COL11A2: variants seen among roughly 807,000 people sequenced by gnomAD.
COL11A2 encodes the protein collagen alpha-2(XI) chain.
In COL11A2, 116 loss-of-function variants were observed where a neutral mutation model predicts 273.4. The observed-to-expected ratio is 0.42, with a 90% CI of 0.36 to 0.49. The LOEUF (loss-of-function observed/expected upper bound fraction) is 0.49. Ranked by LOEUF, COL11A2 falls within the 20% of genes least tolerant of loss-of-function variation. COL11A2 has a pLI of 0.00. For missense variants in COL11A2, 1,866 were observed against 2,309.0 expected (o/e 0.81, Z 3.93); for synonymous variants, 782 against 864.2 (o/e 0.90, Z 1.67).
rs1771446268 is a variant in COL11A2 at position 33,179,609 on chromosome 6, T to G, written c.1446+110A>C. On this transcript the variant is annotated intron_variant, in intron 13 of 65. Coordinates refer to ENST00000341947, the MANE Select transcript of COL11A2 (RefSeq NM_080680.3). The surrounding 1 kb of genome is among the most constrained non-coding windows in gnomAD (Gnocchi z 6.4). Reference sequence around the variant, plus strand: ...CCACTGCCCAGGATTCTCCCCAACCTCCCTGTTAACCCCAAACCAACCCAG... The same window carrying G: ...CCACTGCCCAGGATTCTCCCCAACCGCCCTGTTAACCCCAAACCAACCCAG... The G allele has an allele frequency of 1.4e-6, 2 of 1,468,468 alleles. No homozygotes were observed. Among genetic ancestry groups the G allele is most frequent in the African/African-American group, 2.8e-5 (2 of 71,648 alleles). The allele number at this position is 1,468,468 out of a possible 1,614,324, so 91.0% of individuals were successfully genotyped here. A position where few individuals can be genotyped will look rare whatever the true frequency, so the allele number is the denominator to read the frequency against.
chr6:33,171,421 T>C, intron 43 of COL11A2, 46 bp downstream of exon 43: 1 of 1,609,658 alleles, frequency 6.2e-7, no homozygotes. Context: ...AGGTCAGCCA[T>C]CTCATCTGGA....
In COL11A2 at chr6:33,175,692, G is replaced by A; in HGVS notation, c.2269-11C>T. ...GACTCCAACTTCGCCCTGTGTGAGA[G>A]GGAAGGACAGGTGAGTGCTGGGGAC... On this transcript the variant is annotated splice_polypyrimidine_tract_variant and intron_variant, in intron 29 of 65. Coordinates refer to ENST00000341947, the MANE Select transcript of COL11A2 (RefSeq NM_080680.3). 1 of 1,610,334 alleles carries A rather than the reference G, an allele frequency of 6.2e-7. No homozygotes were observed. The highest frequency in any genetic ancestry group is 8.5e-7 in the Non-Finnish European group (1 of 1,177,558).
In COL11A2 at chr6:33,177,479, A is replaced by G. The variant is rs1771088118; in HGVS notation, c.1918-14T>C. On this transcript the variant is annotated splice_polypyrimidine_tract_variant and intron_variant, in intron 22 of 65. Transcript: ENST00000341947. This position sits in a 1 kb window ranked among gnomAD's most constrained non-coding sequence, Gnocchi z 5.9. ...TCCCTGGGGTCCCTAGAAACAGGTG[A>G]CCAGGCACAGGTCAGAAGGAGATGG... 6.2e-7 allele frequency: 1 copy of G among 1,612,722 alleles called. No individual in the cohort carries two copies. The highest frequency in any genetic ancestry group is 1.3e-5 in the African/African-American group (1 of 74,916).
At chr6:33,171,201 CAG>C (rs1373262064) in intron 44 of COL11A2, 34 bp from the exon 45 acceptor site, 1 of 1,613,148 alleles carries the variant, frequency 6.2e-7, no homozygotes, top group Non-Finnish European at 8.5e-7. Context: ...GACACCAAAA[CAG>C]GGAGAGAGAT....
Position 33,171,809 on chromosome 6 carries a change from C to T in COL11A2, c.3054G>A (p.Gly1018=), listed in dbSNP as rs768446894. The change falls in exon 42 of 66, where the codon GGG becomes GGA. Residue 1018 remains glycine, a synonymous_variant. Coordinates refer to ENST00000341947, the MANE Select transcript of COL11A2 (RefSeq NM_080680.3). ...SGPPGPAGSP[G]ERGAAGSGGP... ...CCCCTGATCCTGCTGCACCTCGTTC[C>T]CCAGGGGAGCCCTGAGAAAGCAGAT... 1 of 1,612,874 alleles carries T rather than the reference C, an allele frequency of 6.2e-7. No individual in the cohort carries two copies. Among genetic ancestry groups the T allele is most frequent in the South Asian group, 1.1e-5 (1 of 91,058 alleles).
chr6:33,173,534 G>C lies in COL11A2; in HGVS notation c.2650C>G (p.Pro884Ala). The change falls in exon 36 of 66, where the codon CCC becomes GCC. Residue 884 changes from proline to alanine, a missense_variant. Coordinates refer to ENST00000341947, the MANE Select transcript of COL11A2 (RefSeq NM_080680.3). The surrounding 1 kb of genome is among the most constrained non-coding windows in gnomAD (Gnocchi z 6.3). ...CCTTTCGGTCCAGGAAACCCGTTGG[G>C]ACCCTGAGGTCCAGGGAGGCCCTAG... Reference protein sequence around the residue: ...GERGLPGPQGPNGFPGPKGPP... With the variant: ...GERGLPGPQGANGFPGPKGPP... 6.3e-7 allele frequency: 1 copy of C among 1,582,694 alleles called. No individual in the cohort carries two copies. The highest frequency in any genetic ancestry group is 8.6e-7 in the Non-Finnish European group (1 of 1,161,478).
At position 33,179,756 on chromosome 6, in the gene COL11A2, T is replaced by C; in HGVS notation, c.1409A>G (p.Gln470Arg). 6.2e-7 allele frequency: 1 copy of C among 1,612,196 alleles called. No homozygotes were observed. Residue 470 changes from glutamine to arginine, a missense_variant, in exon 13 of 66, where the codon CAG becomes CGG. Physicochemically the swap from Gln to Arg is conservative, Grantham distance 43 (BLOSUM62 1). Coordinates refer to ENST00000341947, the MANE Select transcript of COL11A2 (RefSeq NM_080680.3). This position sits in a 1 kb window ranked among gnomAD's most constrained non-coding sequence, Gnocchi z 6.4. ...GGDKGPVVAA[Q>R]EAQAQAILQQ... Reference sequence around the variant, plus strand: ...CAGGATCGCCTGGGCCTGAGCCTCCTGGGCCGCCACCACAGGGCCCTTGTC... The same window carrying C: ...CAGGATCGCCTGGGCCTGAGCCTCCCGGGCCGCCACCACAGGGCCCTTGTC...
intron 8 of COL11A2, among the ~76,000 whole-genome samples, chr6:33,183,735 C>T (rs1426827085): frequency 2.0e-5 from 3 of 152,060 alleles, no homozygotes; most frequent in Non-Finnish European, 4.4e-5. Context: ...GAAGTTAGAT[C>T]GTTTGGTAGA....
At position 33,167,053 on chromosome 6, in the gene COL11A2, G is replaced by A. The variant is rs767052476; in HGVS notation, c.4230+17C>T. 1 of 1,613,186 alleles carries A rather than the reference G, an allele frequency of 6.2e-7. No homozygotes were observed. The highest frequency in any genetic ancestry group is 8.5e-7 in the Non-Finnish European group (1 of 1,179,964). The stretch of plus-strand genomic sequence containing the variant: ...TGATGGGAGAGACACCTGGCCACGT[G>A]TCTGTCTGTCACTCACCTTCTCTCC... On this transcript the variant is annotated intron_variant, in intron 58 of 65. Coordinates refer to ENST00000341947, the MANE Select transcript of COL11A2 (RefSeq NM_080680.3). The surrounding 1 kb of genome is among the most constrained non-coding windows in gnomAD (Gnocchi z 6.1).
chr6:33,169,815 T>G lies in COL11A2; in HGVS notation c.3690+16A>C. 1 of 1,614,026 alleles carries G rather than the reference T, an allele frequency of 6.2e-7. No homozygotes were observed. The highest frequency in any genetic ancestry group is 8.5e-7 in the Non-Finnish European group (1 of 1,179,950). On this transcript the variant is annotated intron_variant, in intron 50 of 65. Coordinates refer to ENST00000341947, the MANE Select transcript of COL11A2 (RefSeq NM_080680.3). The surrounding 1 kb of genome is among the most constrained non-coding windows in gnomAD (Gnocchi z 5.5). ...TGACGGGGACTGGGGAGTAAGGCCT[T>G]GGAGCTGTCACTCACCTTGACACCT...
In COL11A2 at chr6:33,189,182, A is replaced by G. The variant is rs1459651793; in HGVS notation, c.239T>C (p.Phe80Ser). Reference sequence around the variant, plus strand: ...AGTCAGCAGAGAGAAATCTTTGGGAAATCCTCCTAGTAACCGAGAGAGATA... The same window carrying G: ...AGTCAGCAGAGAGAAATCTTTGGGAGATCCTCCTAGTAACCGAGAGAGATA... Reference protein sequence around the residue: ...APTRQLFPGGFPKDFSLLTVV... With the variant: ...APTRQLFPGGSPKDFSLLTVV... Residue 80 changes from phenylalanine (F) to serine (S), a missense_variant, in exon 3 of 66, where the codon TTT (phenylalanine) becomes TCT (serine). Transcript: ENST00000341947. This position sits in a 1 kb window ranked among gnomAD's most constrained non-coding sequence, Gnocchi z 5.6. The G allele has an allele frequency of 5.9e-5, 95 of 1,613,744 alleles. No individual in the cohort carries two copies. The highest frequency in any genetic ancestry group is 7.8e-5 in the Non-Finnish European group (92 of 1,179,874).
At position 33,165,763 on chromosome 6, in the gene COL11A2, A is replaced by G. The variant is rs1769039040; in HGVS notation, c.4536T>C (p.Thr1512=). The G allele has an allele frequency of 3.1e-6, 5 of 1,612,806 alleles. No individual in the cohort carries two copies. In the South Asian group the frequency reaches 5.5e-5, roughly 18 times the overall value. The change falls in exon 63 of 66, where the codon ACT becomes ACC. Residue 1512 remains threonine, a synonymous_variant. Coordinates refer to ENST00000341947, the MANE Select transcript of COL11A2 (RefSeq NM_080680.3). This position sits in a 1 kb window ranked among gnomAD's most constrained non-coding sequence, Gnocchi z 7.7. ...QPLPIQMPKK[T]RRSVDGSRLM... Reference sequence around the variant, plus strand: ...GACGGCTTCCATCCACCGAGCGCCGAGTCTTCTTGGGCATCTGAATGGGCA... The same window carrying G: ...GACGGCTTCCATCCACCGAGCGCCGGGTCTTCTTGGGCATCTGAATGGGCA...
In COL11A2 at chr6:33,173,938, A is replaced by G. The variant is rs755800527; in HGVS notation, c.2530-12T>C. 6.2e-7 allele frequency: 1 copy of G among 1,614,078 alleles called. No individual in the cohort carries two copies. Among genetic ancestry groups the G allele is most frequent in the Non-Finnish European group, 8.5e-7 (1 of 1,179,974 alleles). ...TGACCCCGTGGACCCTACAGAGGGA[A>G]GAGGAGTTGTCAGAGAAACCCAAAT... On this transcript the variant is annotated splice_polypyrimidine_tract_variant and intron_variant, in intron 33 of 65. Transcript: ENST00000341947. This position sits in a 1 kb window ranked among gnomAD's most constrained non-coding sequence, Gnocchi z 6.3.
chr6:33,164,495 G>A lies in COL11A2; in HGVS notation c.4864-22C>T, dbSNP rs777196852. ...AGAACTGGAAGGAGAGAGAGGGCTG[G>A]CCTCAGAGGGGGAGAGAGAGGGCTG... On this transcript the variant is annotated intron_variant, in intron 64 of 65. Coordinates refer to ENST00000341947, the MANE Select transcript of COL11A2 (RefSeq NM_080680.3). The surrounding 1 kb of genome is among the most constrained non-coding windows in gnomAD (Gnocchi z 4.7). 2.5e-5 allele frequency: 38 copies of A among 1,509,528 alleles called. No individual in the cohort carries two copies. In the South Asian group the frequency reaches 4.7e-4, roughly 19 times the overall value. 93.5% of individuals were successfully genotyped at this position (1,509,528 alleles called of 1,614,324 possible).
rs946229981 is a variant in COL11A2 at position 33,164,610 on chromosome 6, C to T, written c.4864-137G>A. The T allele has an allele frequency of 2.4e-6, 2 of 837,630 alleles. No homozygotes were observed. Among genetic ancestry groups the T allele is most frequent in the East Asian group, 5.4e-5 (2 of 37,338 alleles). The allele number at this position is 837,630 out of a possible 1,614,324, so 51.9% of individuals were successfully genotyped here. On this transcript the variant is annotated intron_variant, in intron 64 of 65. Transcript: ENST00000341947. This position sits in a 1 kb window ranked among gnomAD's most constrained non-coding sequence, Gnocchi z 4.7. ...TCATGAGCAGGGAATGGCTGGAAGG[C>T]AAGGGCTGGGAAAGAAGTGAGGGGC...
In COL11A2 at chr6:33,189,926, C is replaced by T. The variant is rs1204200783; in HGVS notation, c.83-457G>A. On this transcript the variant is annotated intron_variant, in intron 1 of 65. Coordinates refer to ENST00000341947, the MANE Select transcript of COL11A2 (RefSeq NM_080680.3). The surrounding 1 kb of genome is among the most constrained non-coding windows in gnomAD (Gnocchi z 5.6). The stretch of plus-strand genomic sequence containing the variant: ...TCTTTTTCTCTCCCTCGCTCTCACT[C>T]TCTTTCCATATCTCTCACTCTCTGG... 6.6e-6 allele frequency among the ~76,000 whole-genome samples: 1 copy of T among 152,156 alleles called. No homozygotes were observed. The highest frequency in any genetic ancestry group is 2.4e-5 in the African/African-American group (1 of 41,422).
rs373160354 is a variant in COL11A2, at chr6:33,168,835, C to A, written c.3853-76G>T. 18 of 1,606,428 alleles carry A rather than the reference C, an allele frequency of 1.1e-5. No individual in the cohort carries two copies. In the South Asian group the frequency reaches 1.9e-4, roughly 17 times the overall value. On this transcript the variant is annotated intron_variant, in intron 52 of 65. Transcript: ENST00000341947. ...ACCTCCAAAACTGTCAATACCCCAT[C>A]CCCTTGCCCACCCTGCCATACCCCC...
chr6:33,190,682 C>T lies in COL11A2; in HGVS notation c.83-1213G>A, dbSNP rs996573126. 6.6e-6 allele frequency among the ~76,000 whole-genome samples: 1 copy of T among 152,230 alleles called. No homozygotes were observed. The highest frequency in any genetic ancestry group is 2.4e-5 in the African/African-American group (1 of 41,512). On this transcript the variant is annotated intron_variant, in intron 1 of 65. Transcript: ENST00000341947. The surrounding 1 kb of genome is among the most constrained non-coding windows in gnomAD (Gnocchi z 4.5). ...GGAGCCGGGAAACCACGGCCTTCCC[C>T]CCCAACCCCCACCTAAGCCTGGCCC...
chr6:33,169,138 G>T lies in COL11A2; in HGVS notation c.3799-130C>A. The stretch of plus-strand genomic sequence containing the variant: ...AGTACCCCCCAGGAAGAGGTCTCCT[G>T]CACCCCTTTCCCTACCACGTGCACT... On this transcript the variant is annotated intron_variant, in intron 51 of 65. Coordinates refer to ENST00000341947, the MANE Select transcript of COL11A2 (RefSeq NM_080680.3). The surrounding 1 kb of genome is among the most constrained non-coding windows in gnomAD (Gnocchi z 5.5). The T allele has an allele frequency of 1.1e-6, 1 of 902,100 alleles. No individual in the cohort carries two copies. Among genetic ancestry groups the T allele is most frequent in the Non-Finnish European group, 1.7e-6 (1 of 585,328 alleles). 55.9% of individuals were successfully genotyped at this position (902,100 alleles called of 1,614,324 possible).
Sources: gnomAD v4.1 joint callset for allele counts (sites outside exome capture counted in the v4.1 genomes callset) on GRCh38, gnomAD v4.1.1 for gene constraint, Gnocchi (gnomAD v3.1) non-coding constraint, MANE v1.5 for transcripts, NCBI Gene and HGNC (gene_info 2026-07-23, HGNC 2026-07-21) for gene names.